MAGI2: variants seen among roughly 807,000 people sequenced by gnomAD.
The protein encoded by MAGI2 is membrane associated guanylate kinase, WW and PDZ domain containing 2.
In MAGI2, 35 loss-of-function variants were observed where a neutral mutation model predicts 133.3. That is an observed-to-expected ratio of 0.26 (90% CI 0.20 to 0.35). MAGI2 has a LOEUF of 0.35. Among genes scored for constraint, MAGI2 ranks in the 10% least tolerant of loss-of-function variants. The probability of loss-of-function intolerance (pLI) is 1.00; values close to 1 mark genes in which losing one functional copy is unlikely to be tolerated. For missense variants in MAGI2, 1,636 were observed against 1,863.4 expected (o/e 0.88, Z 2.25); for synonymous variants, 729 against 710.6 (o/e 1.03, Z -0.41).
At chr7:78,612,494 A>G (rs1167928761) in intron 3 of MAGI2, among the ~76,000 whole-genome samples, 1 of 152,142 alleles carries the variant, frequency 6.6e-6, no homozygotes, top group Middle Eastern at 3.2e-3. Flanking sequence ...ACAAGAATAA[A>G]TGAAAACAAA....
chr7:79,361,738 T>C (rs1842390459), intron 1 of MAGI2, among the ~76,000 whole-genome samples: 1 of 152,188 alleles, frequency 6.6e-6, no homozygotes, highest in African/African-American at 2.4e-5. Context: ...TCATATAGGA[T>C]ATATTCTTTT....
At chr7:78,663,223 T>C (rs988681271) in intron 2 of MAGI2, among the ~76,000 whole-genome samples, 68 of 123,156 alleles carry the variant, frequency 5.5e-4, no homozygotes, top group Admixed American at 1.4e-3. Flanking sequence ...TTTTTTTTTT[T>C]CCAGACACAG....
chr7:78,503,804 T>C (rs189952433), intron 4 of MAGI2, among the ~76,000 whole-genome samples: 6 of 151,384 alleles, frequency 4.0e-5, no homozygotes, highest in Admixed American at 6.6e-5. Flanking sequence ...GCCGTTATGA[T>C]TGACCTCATA....
chr7:78,185,657 G>A lies in MAGI2; in HGVS notation c.2283C>T (p.Pro761=), dbSNP rs780202117. The A allele has an allele frequency of 6.3e-7, 1 of 1,586,524 alleles. No individual in the cohort carries two copies. The highest frequency in any genetic ancestry group is 1.7e-5 in the Admixed American group (1 of 59,412). Residue 761 remains proline, a synonymous_variant, in exon 13 of 22, where the codon CCC becomes CCT. Transcript: ENST00000354212. ...AIYESRQQVP[P]RTSFRMDSSG... is the part of the protein sequence containing the mutation. Reference sequence around the variant, plus strand: ...AGGAATCCATTCGAAAACTGGTCCTGGGTGGCACTTGTTCTGGATGGGAAA... The same window carrying A: ...AGGAATCCATTCGAAAACTGGTCCTAGGTGGCACTTGTTCTGGATGGGAAA...
intron 9 of MAGI2, among the ~76,000 whole-genome samples, chr7:78,267,595 C>T (rs925241193): frequency 6.6e-6 from 1 of 152,116 alleles, no homozygotes; most frequent in Non-Finnish European, 1.5e-5. Flanking sequence ...AAAGGAAGAA[C>T]AAAATTTGTC....
chr7:78,691,350 C>T (rs952303227), intron 2 of MAGI2, among the ~76,000 whole-genome samples: 2 of 152,168 alleles, frequency 1.3e-5, no homozygotes, highest in African/African-American at 4.8e-5. Flanking sequence ...TCCTGTTTTA[C>T]TCCCAGAGTT....
chr7:78,098,024 TTA>T (rs1238034701), intron 20 of MAGI2, among the ~76,000 whole-genome samples: 1 of 152,112 alleles, frequency 6.6e-6, no homozygotes, highest in Non-Finnish European at 1.5e-5. Context: ...TATTCATGTG[TTA>T]TTAAAGTTAT....
chr7:78,909,196 A>C (rs189816300), intron 2 of MAGI2, among the ~76,000 whole-genome samples: 5 of 152,068 alleles, frequency 3.3e-5, no homozygotes, highest in African/African-American at 1.2e-4. Flanking sequence ...TTATGCGGCC[A>C]ACAAACATAT....
chr7:78,677,705 A>C (rs1442629319), intron 2 of MAGI2, among the ~76,000 whole-genome samples: 1 of 152,254 alleles, frequency 6.6e-6, no homozygotes, highest in East Asian at 1.9e-4. Context: ...TTCTACTAGA[A>C]AATTAGAACT....
intron 2 of MAGI2, among the ~76,000 whole-genome samples, chr7:78,666,109 T>A (rs1323255977): frequency 6.6e-6 from 1 of 152,134 alleles, no homozygotes; most frequent in African/African-American, 2.4e-5. Context: ...ACTTTTGCTA[T>A]CCAACGTAAG....
rs181908684 is a variant in MAGI2 at position 79,104,184 on chromosome 7, C to G, written c.302-96978G>C. On this transcript the variant is annotated intron_variant, in intron 1 of 21. Coordinates refer to ENST00000354212, the MANE Select transcript of MAGI2 (RefSeq NM_012301.4). The stretch of plus-strand genomic sequence containing the variant: ...AAGTAATCACACCTCAAGTAAGGAG[C>G]CCCCTGTCATACTTAAGCCAAATTA... Among the ~76,000 whole-genome samples the G allele has an allele frequency of 4.6e-5, 7 of 152,208 alleles. No individual in the cohort carries two copies. The East Asian group carries it at 5.8e-4, about 13-fold the overall frequency.
chr7:78,078,844 AT>A, intron 21 of MAGI2, 102 bp downstream of exon 21: 1 of 1,293,878 alleles, frequency 7.7e-7, no homozygotes, highest in Non-Finnish European at 1.1e-6. Flanking sequence ...CTAAATATAT[AT>A]TTAGGTAGAA....
intron 2 of MAGI2, among the ~76,000 whole-genome samples, chr7:78,948,596 A>T (rs1584476140): frequency 6.6e-6 from 1 of 152,108 alleles, no homozygotes; most frequent in Non-Finnish European, 1.5e-5. Flanking sequence ...TTCATAGTGG[A>T]GACTCATTTT....
At chr7:78,164,695 T>C (rs1584225469) in intron 15 of MAGI2, among the ~76,000 whole-genome samples, 1 of 152,244 alleles carries the variant, frequency 6.6e-6, no homozygotes, top group Non-Finnish European at 1.5e-5. Context: ...AGAATTAGAC[T>C]TTCCCTTAGG....
At chr7:78,365,485 G>T (rs897603748) in intron 7 of MAGI2, among the ~76,000 whole-genome samples, 1 of 152,178 alleles carries the variant, frequency 6.6e-6, no homozygotes, top group Admixed American at 6.5e-5. Flanking sequence ...TCAATAATGT[G>T]TGGTTCTGGA....
chr7:78,988,770 GA>G (rs1229849755), intron 2 of MAGI2, among the ~76,000 whole-genome samples: 1 of 152,030 alleles, frequency 6.6e-6, no homozygotes, highest in Non-Finnish European at 1.5e-5. Flanking sequence ...GGAAGACGCA[GA>G]ACTTTTATTC....
chr7:79,311,406 A>T (rs1033545667), intron 1 of MAGI2, among the ~76,000 whole-genome samples: 3 of 152,112 alleles, frequency 2.0e-5, no homozygotes, highest in Non-Finnish European at 4.4e-5. Flanking sequence ...GTTGTGCTGC[A>T]TTCAAAGTCG....
At chr7:78,833,840 T>G in intron 2 of MAGI2, among the ~76,000 whole-genome samples, 1 of 152,314 alleles carries the variant, frequency 6.6e-6, no homozygotes, top group South Asian at 2.1e-4. Context: ...AATGGAAGTT[T>G]TTGAGAACAA....
At chr7:78,395,106 C>T (rs76485295) in intron 6 of MAGI2, among the ~76,000 whole-genome samples, 1 of 152,106 alleles carries the variant, frequency 6.6e-6, no homozygotes, top group African/African-American at 2.4e-5. Context: ...CAGGGAGAGT[C>T]AAACTTCAGA....
Sources: gnomAD v4.1 joint callset for allele counts (sites outside exome capture counted in the v4.1 genomes callset) on GRCh38, gnomAD v4.1.1 for gene constraint, MANE v1.5 for transcripts, NCBI Gene and HGNC (gene_info 2026-07-23, HGNC 2026-07-21) for gene names.